CCDC85C: variants seen among roughly 807,000 people sequenced by gnomAD.
CCDC85C encodes the protein coiled-coil domain containing 85C.
A neutral mutation model predicts 38.3 loss-of-function variants in CCDC85C; 18 were observed. The observed-to-expected ratio is 0.47, with a 90% CI of 0.33 to 0.70. CCDC85C has a LOEUF of 0.70. Ranked by LOEUF, CCDC85C falls within the 30% of genes least tolerant of loss-of-function variation. The pLI is 0.03. For synonymous variants in CCDC85C, 264 were observed against 293.8 expected (o/e 0.90, Z 1.04); for missense variants, 566 against 621.2 (o/e 0.91, Z 0.94).
At chr14:99,566,295 C>A (rs1898214511) in intron 1 of CCDC85C, among the ~76,000 whole-genome samples, 1 of 152,096 alleles carries the variant, frequency 6.6e-6, no homozygotes, top group Non-Finnish European at 1.5e-5. Context: ...CATGGATCAT[C>A]TCAGACCTCC....
At chr14:99,565,244 C>T (rs948640241) in intron 1 of CCDC85C, among the ~76,000 whole-genome samples, 15 of 152,326 alleles carry the variant, frequency 9.8e-5, no homozygotes, top group African/African-American at 9.6e-5. Context: ...TTCCACAGCT[C>T]GTCGTGTGCA....
intron 1 of CCDC85C, among the ~76,000 whole-genome samples, chr14:99,577,942 G>A (rs973345524): frequency 7.2e-6 from 1 of 138,982 alleles, no homozygotes; most frequent in Non-Finnish European, 1.5e-5. Context: ...GTGTGTGTGT[G>A]TACACATCTC....
chr14:99,572,774 A>T lies in CCDC85C; in HGVS notation c.793+30393T>A, dbSNP rs192032736. On this transcript the variant is annotated intron_variant, in intron 1 of 5. Transcript: ENST00000380243. The surrounding 1 kb of genome is among the most constrained non-coding windows in gnomAD (Gnocchi z 4.4). Reference sequence around the variant, plus strand: ...TTGTTTGCCAGTTTATCCATCTTCCAAAGGAGACTTCTGTCTGTCTTGCTT... The same window carrying T: ...TTGTTTGCCAGTTTATCCATCTTCCTAAGGAGACTTCTGTCTGTCTTGCTT... 3.5e-4 allele frequency: 158 copies of T among 456,070 alleles called. 1 individual carries two copies. Among genetic ancestry groups the T allele is most frequent in the African/African-American group, 2.6e-3 (132 of 50,188 alleles). 28.3% of individuals were successfully genotyped at this position (456,070 alleles called of 1,614,324 possible).
intron 1 of CCDC85C, among the ~76,000 whole-genome samples, chr14:99,553,358 GTTTTT>G (rs5810958): frequency 6.6e-6 from 1 of 150,584 alleles, no homozygotes; most frequent in African/African-American, 2.4e-5. Flanking sequence ...TCCCTGTGTG[GTTTTT>G]TTTTTGTTTG....
rs1461294574 is a variant in CCDC85C at position 99,548,548 on chromosome 14, G to A, written c.794-12460C>T. On this transcript the variant is annotated intron_variant, in intron 1 of 5. Coordinates refer to ENST00000380243, the MANE Select transcript of CCDC85C (RefSeq NM_001144995.2). This position sits in a 1 kb window ranked among gnomAD's most constrained non-coding sequence, Gnocchi z 4.9. ...CCCAACGAGACAGGCACAAGACCGT[G>A]TCTGCCAACACCAGCTGTACTAGTG... is the stretch of plus-strand genomic sequence containing the variant. Among the ~76,000 whole-genome samples the A allele has an allele frequency of 6.6e-5, 10 of 151,738 alleles. No homozygotes were observed. The highest frequency in any genetic ancestry group is 6.6e-4 in the Admixed American group (10 of 15,222).
intron 1 of CCDC85C, among the ~76,000 whole-genome samples, chr14:99,552,082 C>T (rs1174408426): frequency 1.3e-5 from 2 of 152,206 alleles, no homozygotes; most frequent in Admixed American, 1.3e-4. Flanking sequence ...TGGGCACTAA[C>T]CCGGAACCTG....
chr14:99,547,861 TAC>T (rs907866110), intron 1 of CCDC85C, among the ~76,000 whole-genome samples: 15 of 151,914 alleles, frequency 9.9e-5, no homozygotes, highest in Admixed American at 3.3e-4. Context: ...CATATATATA[TAC>T]ACACACATAT....
At chr14:99,534,983 A>C in intron 2 of CCDC85C, 1 of 451,002 alleles carries the variant, frequency 2.2e-6, no homozygotes, top group Non-Finnish European at 4.0e-6. Flanking sequence ...TGCTAATCCC[A>C]CCAGGCCCTG....
At position 99,514,995 on chromosome 14, in the gene CCDC85C, G is replaced by A. The variant is rs921087011; in HGVS notation, c.*251C>T. 7.2e-6 allele frequency: 3 copies of A among 418,312 alleles called. No homozygotes were observed. The highest frequency in any genetic ancestry group is 1.3e-5 in the Non-Finnish European group (3 of 226,994). 25.9% of individuals were successfully genotyped at this position (418,312 alleles called of 1,614,324 possible). On this transcript the variant is annotated 3_prime_UTR_variant, in exon 6 of 6. Coordinates refer to ENST00000380243, the MANE Select transcript of CCDC85C (RefSeq NM_001144995.2). ...GGCCCAGAGGGGGAATGAGGCGTCC[G>A]GGCCGCTCTGCTGCAGGAACAGTCG...
rs983215711 is a variant in CCDC85C, at chr14:99,511,496, T to C, written c.*3750A>G. ...AGACTCCTTCAGTCAGTTATCCAAA[T>C]AAAAGCAGTTCTGAAACTATCCCTT... On this transcript the variant is annotated 3_prime_UTR_variant, in exon 6 of 6. Transcript: ENST00000380243. 2.6e-5 allele frequency: 4 copies of C among 152,614 alleles called. No individual in the cohort carries two copies. Among genetic ancestry groups the C allele is most frequent in the Admixed American group, 2.6e-4 (4 of 15,286 alleles). 9.5% of individuals were successfully genotyped at this position (152,614 alleles called of 1,614,324 possible).
chr14:99,541,184 C>A (rs560426785), intron 1 of CCDC85C, among the ~76,000 whole-genome samples: 1 of 152,356 alleles, frequency 6.6e-6, no homozygotes, highest in East Asian at 1.9e-4. Flanking sequence ...AGGAACTCAT[C>A]CCTGGAGGGA....
chr14:99,543,984 G>T (rs1897760407), intron 1 of CCDC85C, among the ~76,000 whole-genome samples: 1 of 152,160 alleles, frequency 6.6e-6, no homozygotes, highest in African/African-American at 2.4e-5. Flanking sequence ...CAGTGCCCTG[G>T]GCGTGGAAAA....
intron 1 of CCDC85C, among the ~76,000 whole-genome samples, chr14:99,599,406 G>T (rs1395332437): frequency 6.6e-6 from 1 of 152,110 alleles, no homozygotes; most frequent in Non-Finnish European, 1.5e-5. Context: ...GCCTGTCGTG[G>T]GGCACAGGAG....
intron 1 of CCDC85C, among the ~76,000 whole-genome samples, chr14:99,581,717 T>C (rs1275901735): frequency 1.3e-5 from 2 of 152,184 alleles, no homozygotes; most frequent in African/African-American, 2.4e-5. Flanking sequence ...CTGCTGCTCA[T>C]GGCCTTCCTT....
intron 1 of CCDC85C, among the ~76,000 whole-genome samples, chr14:99,555,754 C>T (rs2021928): frequency 0.54 from 81,580 of 151,992 alleles, 22,122 homozygotes; most frequent in African/African-American, 0.6. Context: ...TGTCTGCCTG[C>T]TGGAGACCAA....
In CCDC85C at chr14:99,503,731, C is replaced by T; in HGVS notation, c.*11515G>A. On this transcript the variant is annotated 3_prime_UTR_variant, in exon 6 of 6. Transcript: ENST00000380243. ...TAGCCAACATTGTTTCTTTTCAGAT[C>T]TAAATTGGCCTTAAATCTTAACTTT... 1.7e-6 allele frequency: 2 copies of T among 1,178,374 alleles called. No individual in the cohort carries two copies. The highest frequency in any genetic ancestry group is 2.4e-6 in the Non-Finnish European group (2 of 825,592). 73.0% of individuals were successfully genotyped at this position (1,178,374 alleles called of 1,614,324 possible).
intron 1 of CCDC85C, among the ~76,000 whole-genome samples, chr14:99,560,771 C>T (rs776766395): frequency 1.3e-5 from 2 of 152,196 alleles, no homozygotes; most frequent in South Asian, 2.1e-4. Context: ...TGGGCGGAGT[C>T]GCAGAACACC....
At chr14:99,553,524 C>G (rs1289242235) in intron 1 of CCDC85C, among the ~76,000 whole-genome samples, 1 of 152,152 alleles carries the variant, frequency 6.6e-6, no homozygotes, top group Non-Finnish European at 1.5e-5. Context: ...GCCACCACGC[C>G]CGGCTAATTT....
In CCDC85C at chr14:99,520,051, GC is replaced by G. The variant is rs1474961468; in HGVS notation, c.975+2081del. On this transcript the variant is annotated intron_variant, in intron 3 of 5. Transcript: ENST00000380243. This position sits in a 1 kb window ranked among gnomAD's most constrained non-coding sequence, Gnocchi z 4.1. Reference sequence around the variant, plus strand: ...ACCTCCCACCCTCCACTGGGCACCTGCCCTGACAGCCAGTGGATGGAGGGTA... The same window carrying G: ...ACCTCCCACCCTCCACTGGGCACCTGCCTGACAGCCAGTGGATGGAGGGTA... 6.6e-6 allele frequency among the ~76,000 whole-genome samples: 1 copy of G among 152,202 alleles called. No individual in the cohort carries two copies. The highest frequency in any genetic ancestry group is 1.5e-5 in the Non-Finnish European group (1 of 68,022).
Sources: gnomAD v4.1 joint callset for allele counts (sites outside exome capture counted in the v4.1 genomes callset) on GRCh38, gnomAD v4.1.1 for gene constraint, Gnocchi (gnomAD v3.1) non-coding constraint, MANE v1.5 for transcripts, NCBI Gene and HGNC (gene_info 2026-07-23, HGNC 2026-07-21) for gene names.